The following MYO5B variants were observed in gnomAD, a reference collection of about 807,000 sequenced individuals.
The protein encoded by MYO5B is myosin VB, also known as unconventional myosin-Vb.
MYO5B carries 143 observed loss-of-function variants against 229.3 expected under a neutral mutation model. The observed-to-expected ratio is 0.62, with a 90% CI of 0.54 to 0.72. MYO5B has a LOEUF of 0.72. MYO5B is among the 30% of genes least tolerant of loss of function. MYO5B has a pLI of 0.00. For synonymous variants in MYO5B, 918 were observed against 885.2 expected (o/e 1.04, Z -0.66); for missense variants, 2,321 against 2,331.0 (o/e 1.00, Z 0.09).
intron 1 of MYO5B, among the ~76,000 whole-genome samples, chr18:50,143,856 A>C (rs1396768673): frequency 6.6e-6 from 1 of 152,180 alleles, no homozygotes; most frequent in Non-Finnish European, 1.5e-5. Flanking sequence ...GGCAACCTGC[A>C]AGCACATTCT....
At chr18:49,944,124 C>G (rs2025345618) in intron 14 of MYO5B, among the ~76,000 whole-genome samples, 1 of 152,146 alleles carries the variant, frequency 6.6e-6, no homozygotes, top group Non-Finnish European at 1.5e-5. Flanking sequence ...GTTAAAATAA[C>G]AGGGGCTAAT....
At chr18:50,003,025 T>A (rs1050595248) in intron 4 of MYO5B, among the ~76,000 whole-genome samples, 1 of 151,886 alleles carries the variant, frequency 6.6e-6, no homozygotes, top group South Asian at 2.1e-4. Flanking sequence ...GCTGGAAACA[T>A]GGTGAGATGA....
chr18:49,989,593 A>T (rs2025907475), intron 7 of MYO5B, among the ~76,000 whole-genome samples: 1 of 152,066 alleles, frequency 6.6e-6, no homozygotes, highest in South Asian at 2.1e-4. Flanking sequence ...ATTACCCCAT[A>T]AGGACCCACA....
At chr18:49,856,968 G>A in intron 29 of MYO5B, 78 bp from the exon 30 acceptor site, 1 of 1,267,402 alleles carries the variant, frequency 7.9e-7, no homozygotes. Context: ...TGGAAAGTGA[G>A]GAGATTCTAG....
intron 1 of MYO5B, among the ~76,000 whole-genome samples, chr18:50,087,500 G>C (rs2031355360): frequency 6.7e-6 from 1 of 150,160 alleles, no homozygotes; most frequent in Admixed American, 6.7e-5. Context: ...TTGAACCTGG[G>C]AAGTGGAGGT....
chr18:49,955,820 C>T (rs757026635), intron 12 of MYO5B, among the ~76,000 whole-genome samples: 16 of 152,136 alleles, frequency 1.1e-4, no homozygotes, highest in Admixed American at 6.5e-4. Context: ...TTAGAACCAC[C>T]GGGTGTGAAG....
intron 17 of MYO5B, among the ~76,000 whole-genome samples, chr18:49,921,150 G>T (rs1157917601): frequency 6.6e-6 from 1 of 152,066 alleles, no homozygotes. Flanking sequence ...CTCTTCACAG[G>T]ACTGGGGAGA....
At chr18:50,189,615 GA>G (rs2033200506) in intron 1 of MYO5B, among the ~76,000 whole-genome samples, 1 of 152,156 alleles carries the variant, frequency 6.6e-6, no homozygotes, top group South Asian at 2.1e-4. Flanking sequence ...GAGTAAGGGG[GA>G]AACAATAGGA....
chr18:50,138,222 G>C lies in MYO5B; in HGVS notation c.27+56545C>G, dbSNP rs545041444. On this transcript the variant is annotated intron_variant, in intron 1 of 39. Coordinates refer to ENST00000285039, the MANE Select transcript of MYO5B (RefSeq NM_001080467.3). ...GAACCTAAAATTAAAAGAAAAAATG[G>C]GTATTTCTAAATGTAGTTAGAAGTG... Among the ~76,000 whole-genome samples the C allele has an allele frequency of 7.2e-5, 11 of 152,190 alleles. No homozygotes were observed. In the South Asian group the frequency reaches 2.1e-3, roughly 29 times the overall value.
At chr18:50,073,871 C>T (rs2031016594) in intron 1 of MYO5B, among the ~76,000 whole-genome samples, 1 of 152,050 alleles carries the variant, frequency 6.6e-6, no homozygotes. Flanking sequence ...TATCCACATC[C>T]AATCCATTGG....
intron 17 of MYO5B, among the ~76,000 whole-genome samples, chr18:49,926,373 G>C (rs1000453296): frequency 1.3e-5 from 2 of 152,258 alleles, no homozygotes; most frequent in Non-Finnish European, 2.9e-5. Flanking sequence ...CAGGTGGAGA[G>C]AAGACAGGGA....
intron 1 of MYO5B, among the ~76,000 whole-genome samples, chr18:50,176,077 T>C (rs1271788834): frequency 3.9e-5 from 6 of 152,248 alleles, no homozygotes; most frequent in Non-Finnish European, 8.8e-5. Flanking sequence ...TTTGCTGTCC[T>C]GGGCATCTAC....
chr18:50,091,643 T>A (rs2031450730), intron 1 of MYO5B, among the ~76,000 whole-genome samples: 1 of 152,126 alleles, frequency 6.6e-6, no homozygotes, highest in African/African-American at 2.4e-5. Flanking sequence ...GCTGTTTCTG[T>A]CTTTGTAGGA....
intron 26 of MYO5B, 40 bp downstream of exon 26, chr18:49,875,647 C>A: frequency 6.2e-7 from 1 of 1,613,482 alleles, no homozygotes; most frequent in Non-Finnish European, 8.5e-7. Context: ...ATTGTTCTCT[C>A]ATCCAAGCAC....
intron 33 of MYO5B, among the ~76,000 whole-genome samples, chr18:49,846,926 G>A (rs1047687716): frequency 4.0e-5 from 6 of 151,622 alleles, no homozygotes. Context: ...AGTGGGTCTT[G>A]CCATCGAGAA....
intron 1 of MYO5B, among the ~76,000 whole-genome samples, chr18:50,181,909 A>C (rs1477203858): frequency 6.6e-6 from 1 of 152,230 alleles, no homozygotes; most frequent in Non-Finnish European, 1.5e-5. Flanking sequence ...GAATTCAGGC[A>C]AATTGAAAAT....
intron 17 of MYO5B, among the ~76,000 whole-genome samples, chr18:49,915,308 A>G (rs925189807): frequency 7.9e-5 from 12 of 152,128 alleles, no homozygotes; most frequent in Admixed American, 3.3e-4. Context: ...CTCTTCACAG[A>G]TCCTGGCAAC....
rs368970640 is a variant in MYO5B, at chr18:50,135,082, A to C, written c.27+59685T>G. On this transcript the variant is annotated intron_variant, in intron 1 of 39. Transcript: ENST00000285039. ...CTTTAAATACACATATCAACCGGGA[A>C]ATACACAAGGCAACAAGAGTCTATT... Among the ~76,000 whole-genome samples, 6 of 152,328 alleles carry C rather than the reference A, an allele frequency of 3.9e-5. No individual in the cohort carries two copies. In the South Asian group the frequency reaches 1.2e-3, roughly 32 times the overall value.
At chr18:49,837,001 CG>C in intron 37 of MYO5B, 116 bp from the exon 38 acceptor site, 1 of 1,029,190 alleles carries the variant, frequency 9.7e-7, no homozygotes, top group Non-Finnish European at 1.5e-6. Flanking sequence ...TTATCTCACA[CG>C]GTTAAAAAGC....
Sources: gnomAD v4.1 joint callset for allele counts (sites outside exome capture counted in the v4.1 genomes callset) on GRCh38, gnomAD v4.1.1 for gene constraint, MANE v1.5 for transcripts, NCBI Gene and HGNC (gene_info 2026-07-23, HGNC 2026-07-21) for gene names.